Variants in MICU3 observed in about 807,000 individuals in gnomAD.
MICU3 encodes the protein calcium uptake protein 3, mitochondrial.
Under a neutral mutation model 66.5 loss-of-function variants are expected in MICU3, and 62 were observed. The observed-to-expected ratio is 0.93, with a 90% CI of 0.76 to 1.15. The LOEUF is 1.15. Among genes scored for constraint, MICU3 ranks in the 50% most tolerant of loss-of-function variants. The pLI, the probability that MICU3 is intolerant of heterozygous loss-of-function variation, is 0.00. For missense variants in MICU3, 779 were observed against 664.4 expected (o/e 1.17, Z -1.90); for synonymous variants, 308 against 240.7 (o/e 1.28, Z -2.59).
intron 11 of MICU3, among the ~76,000 whole-genome samples, chr8:17,108,228 A>G (rs1801901204): frequency 6.6e-6 from 1 of 152,158 alleles, no homozygotes; most frequent in Non-Finnish European, 1.5e-5. Flanking sequence ...TTAGATTCCT[A>G]ATAGTTATCT....
intron 2 of MICU3, among the ~76,000 whole-genome samples, chr8:17,067,083 C>T (rs911545825): frequency 6.7e-6 from 1 of 149,874 alleles, no homozygotes; most frequent in Non-Finnish European, 1.5e-5. Context: ...CAGCACTTTT[C>T]AAACATAATT....
At chr8:17,081,843 T>C (rs574311032) in intron 5 of MICU3, 103 bp downstream of exon 5, 1 of 608,006 alleles carries the variant, frequency 1.6e-6, no homozygotes, top group East Asian at 3.8e-5. Context: ...TCAATATCCA[T>C]GCTGTTCTGC....
chr8:17,030,061 T>C (rs533867743), intron 1 of MICU3, among the ~76,000 whole-genome samples: 2 of 152,348 alleles, frequency 1.3e-5, no homozygotes, highest in South Asian at 2.1e-4. Flanking sequence ...AGAGCGACTT[T>C]GTGTTCTCTG....
At chr8:17,035,267 G>C (rs538666176) in intron 1 of MICU3, among the ~76,000 whole-genome samples, 1 of 152,274 alleles carries the variant, frequency 6.6e-6, no homozygotes, top group Admixed American at 6.5e-5. Context: ...CAGACTAACA[G>C]AGTAAATGGA....
intron 8 of MICU3, among the ~76,000 whole-genome samples, chr8:17,093,891 A>G (rs926382393): frequency 1.3e-5 from 2 of 152,012 alleles, no homozygotes; most frequent in African/African-American, 2.4e-5. Flanking sequence ...TTCTATAATT[A>G]AAACGTAAAT....
At chr8:17,049,512 A>G (rs1163784564) in intron 1 of MICU3, 1 of 495,316 alleles carries the variant, frequency 2.0e-6, no homozygotes, top group African/African-American at 2.0e-5. Context: ...TGGGCTTAGT[A>G]TTTATTTGTC....
chr8:17,075,441 G>C (rs1820236126), intron 3 of MICU3, among the ~76,000 whole-genome samples: 1 of 152,038 alleles, frequency 6.6e-6, no homozygotes, highest in Non-Finnish European at 1.5e-5. Flanking sequence ...ATAAACTCGG[G>C]TATGAACCAA....
At chr8:17,031,453 T>C (rs1483151063) in intron 1 of MICU3, among the ~76,000 whole-genome samples, 2 of 151,106 alleles carry the variant, frequency 1.3e-5, no homozygotes, top group Non-Finnish European at 3.0e-5. Context: ...GACCAGCTAA[T>C]TTTTTTTGTA....
intron 3 of MICU3, among the ~76,000 whole-genome samples, chr8:17,077,035 C>A (rs1283505182): frequency 6.6e-6 from 1 of 152,184 alleles, no homozygotes; most frequent in African/African-American, 2.4e-5. Flanking sequence ...ACAGACTATA[C>A]ACAATAAATT....
At chr8:17,099,587 G>A (rs2150797996) in intron 9 of MICU3, among the ~76,000 whole-genome samples, 1 of 151,884 alleles carries the variant, frequency 6.6e-6, no homozygotes, top group East Asian at 1.9e-4. Context: ...ATATATAAAT[G>A]TGATGTAATT....
At chr8:17,097,694 C>G (rs1025407276) in intron 8 of MICU3, among the ~76,000 whole-genome samples, 1 of 151,718 alleles carries the variant, frequency 6.6e-6, no homozygotes. Flanking sequence ...GAAATCTTCC[C>G]TGATAAATCC....
chr8:17,126,928 A>C (rs560530328), downstream of MICU3, among the ~76,000 whole-genome samples: 1 of 152,318 alleles, frequency 6.6e-6, no homozygotes, highest in Admixed American at 6.5e-5. Context: ...GACACAGTAT[A>C]TTCTGGTCAC....
In MICU3 at chr8:17,044,404, G is replaced by A. The variant is rs146408454; in HGVS notation, c.381+16744G>A. Among the ~76,000 whole-genome samples, 25 of 152,350 alleles carry A rather than the reference G, an allele frequency of 1.6e-4. No individual in the cohort carries two copies. The East Asian group carries it at 2.3e-3, about 14-fold the overall frequency. On this transcript the variant is annotated intron_variant, in intron 1 of 14. Transcript: ENST00000318063. ...GAAAGTAGCATTCTTAGATGGTACT[G>A]TGTAATTCTAGTATCTTCTTCAGCA... is the stretch of plus-strand genomic sequence containing the variant.
chr8:17,128,955 C>T, the MICU3 span, among the ~76,000 whole-genome samples: 4 of 152,086 alleles, frequency 2.6e-5, no homozygotes, highest in African/African-American at 7.2e-5. Flanking sequence ...TCATGGGGCA[C>T]GGCAGAAAAC....
chr8:17,058,209 T>C (rs1817274405), intron 1 of MICU3, among the ~76,000 whole-genome samples: 1 of 152,182 alleles, frequency 6.6e-6, no homozygotes, highest in Admixed American at 6.5e-5. Context: ...AAATAATACA[T>C]AGTAATGAAA....
At chr8:17,031,402 C>T (rs935465732) in intron 1 of MICU3, among the ~76,000 whole-genome samples, 2 of 151,596 alleles carry the variant, frequency 1.3e-5, no homozygotes, top group African/African-American at 4.9e-5. Context: ...TCTTCCACCT[C>T]AGCCTCCCAA....
At chr8:17,117,623 T>TTTG (rs1802808847) in intron 13 of MICU3, among the ~76,000 whole-genome samples, 1 of 151,276 alleles carries the variant, frequency 6.6e-6, no homozygotes, top group Non-Finnish European at 1.5e-5. Context: ...TTTTTTTTTT[T>TTTG]TTGAGATGGG....
At position 17,120,953 on chromosome 8, in the gene MICU3, A is replaced by G. The variant is rs1170329304; in HGVS notation, c.*666A>G. 6.6e-6 allele frequency: 1 copy of G among 152,006 alleles called. No individual in the cohort carries two copies. The highest frequency in any genetic ancestry group is 1.5e-5 in the Non-Finnish European group (1 of 67,864). The allele number at this position is 152,006 out of a possible 1,614,324, so 9.4% of individuals were successfully genotyped here. ...TTGTTTATTTGCCAAAGTCAACAGA[A>G]TGTCTGTTATTGTTTTATGTATACG... is the stretch of plus-strand genomic sequence containing the variant. On this transcript the variant is annotated 3_prime_UTR_variant, in exon 15 of 15. Coordinates refer to ENST00000318063, the MANE Select transcript of MICU3 (RefSeq NM_181723.3).
intron 1 of MICU3, among the ~76,000 whole-genome samples, chr8:17,037,045 C>T (rs1010983278): frequency 6.6e-6 from 1 of 152,248 alleles, no homozygotes; most frequent in African/African-American, 2.4e-5. Flanking sequence ...ACACCTTCCG[C>T]AGCCACTGGC....
Sources: allele counts gnomAD v4.1 joint callset (sites outside exome capture counted in the v4.1 genomes callset), GRCh38; gene constraint gnomAD v4.1.1; transcripts MANE v1.5; gene names NCBI Gene and HGNC (gene_info 2026-07-23, HGNC 2026-07-21).